The following USP40 variants were observed in gnomAD, a reference collection of about 807,000 sequenced individuals.
USP40 encodes the protein ubiquitin specific peptidase 40, also known as ubiquitin carboxyl-terminal hydrolase 40.
USP40 carries 143 observed loss-of-function variants against 166.2 expected under a neutral mutation model. The ratio of observed to expected loss-of-function variants is 0.86; its 90% CI spans 0.75 to 0.99. The LOEUF (loss-of-function observed/expected upper bound fraction) is 0.99. Among genes scored for constraint, USP40 ranks in the 50% least tolerant of loss-of-function variants. USP40 has a pLI of 0.00. For missense variants in USP40, 1,444 were observed against 1,479.7 expected (o/e 0.98, Z 0.40); for synonymous variants, 498 against 524.0 (o/e 0.95, Z 0.68).
intron 24 of USP40, 30 bp downstream of exon 24, chr2:233,496,728 A>C (rs2602386): frequency 0.33 from 508,796 of 1,561,648 alleles, 89,954 homozygotes; most frequent in African/African-American, 0.7. Flanking sequence ...TTATTACTTA[A>C]GAGTTGTCTA....
intron 14 of USP40, 34 bp downstream of exon 14, chr2:233,525,444 A>G (rs2067950475): frequency 6.5e-7 from 1 of 1,544,572 alleles, no homozygotes; most frequent in East Asian, 2.3e-5. Flanking sequence ...GTAGATATAT[A>G]GAGTGAGTTG....
At chr2:233,540,135 A>C (rs1028489607) in intron 10 of USP40, among the ~76,000 whole-genome samples, 24 of 151,628 alleles carry the variant, frequency 1.6e-4, no homozygotes, top group Middle Eastern at 3.2e-3. Context: ...AAAAAAAAAA[A>C]AAAACAAAAA....
intron 23 of USP40, among the ~76,000 whole-genome samples, chr2:233,497,123 A>G (rs2065793659): frequency 6.6e-6 from 1 of 152,186 alleles, no homozygotes; most frequent in Non-Finnish European, 1.5e-5. Flanking sequence ...TCCTAAAAAG[A>G]TGGGTTGGAT....
At chr2:233,544,289 G>A (rs957196786) in intron 8 of USP40, among the ~76,000 whole-genome samples, 2 of 152,176 alleles carry the variant, frequency 1.3e-5, no homozygotes, top group Admixed American at 6.5e-5. Context: ...AGGAAACTCT[G>A]TTTCCGTGGA....
chr2:233,544,592 A>G (rs1025222997), intron 8 of USP40, among the ~76,000 whole-genome samples: 1 of 152,168 alleles, frequency 6.6e-6, no homozygotes, highest in Non-Finnish European at 1.5e-5. Flanking sequence ...GGTTTGGTGG[A>G]AAGGGGCCCA....
chr2:233,531,993 CTAAG>C (rs1488942655), intron 11 of USP40, among the ~76,000 whole-genome samples: 3 of 152,182 alleles, frequency 2.0e-5, no homozygotes. Context: ...CTTTCCATTC[CTAAG>C]TAACACAAGG....
rs557793060 is a variant in USP40, at chr2:233,491,218, C to A, written c.2961G>T (p.Leu987Phe). Residue 987 changes from leucine to phenylalanine, a missense_variant, in exon 26 of 32, where the codon TTG (leucine) becomes TTT (phenylalanine). Coordinates refer to ENST00000678225, the MANE Select transcript of USP40 (RefSeq NM_001365479.2). ...CATCTTCTGAGATCTCTATGTCTCCCAAGTAGAGGAGAGAAACTTGCGCAG... is the reference window on the plus strand; with the variant it reads ...CATCTTCTGAGATCTCTATGTCTCCAAAGTAGAGGAGAGAAACTTGCGCAG... ...NEPAQVSLLY[L>F]GDIEISEDAT... 11 of 1,612,198 alleles carry A rather than the reference C, an allele frequency of 6.8e-6. No homozygotes were observed. In the East Asian group the frequency reaches 2.5e-4, roughly 36 times the overall value.
chr2:233,515,223 T>C (rs1395818564), intron 18 of USP40, among the ~76,000 whole-genome samples: 2 of 152,228 alleles, frequency 1.3e-5, no homozygotes, highest in African/African-American at 4.8e-5. Context: ...TAAGGATATA[T>C]GTTTTAACTC....
chr2:233,485,925 A>G lies in USP40; in HGVS notation c.3250T>C (p.Tyr1084His). The G allele has an allele frequency of 6.3e-7, 1 of 1,598,582 alleles. No individual in the cohort carries two copies. The highest frequency in any genetic ancestry group is 8.5e-7 in the Non-Finnish European group (1 of 1,173,504). Residue 1084 changes from tyrosine to histidine, a missense_variant, in exon 29 of 32, where the codon TAT becomes CAT. Coordinates refer to ENST00000678225, the MANE Select transcript of USP40 (RefSeq NM_001365479.2). ...CACACCAGGTCCAGGGCAGGGGCAT[A>G]GGTCCTCTCACCAGGGATGCGCACC... Reference protein sequence around the residue: ...TQVRIPGERTYAPALDLVWNA... With the variant: ...TQVRIPGERTHAPALDLVWNA...
In USP40 at chr2:233,477,427, T is replaced by C. The variant is rs575177616; in HGVS notation, c.3676A>G (p.Thr1226Ala). The change falls in exon 32 of 32, where the codon ACT becomes GCT. Residue 1226 changes from threonine (T) to alanine (A), a missense_variant. Transcript: ENST00000678225. ...ETPARPRAPE[T>A]SLSIHVGSFR Reference sequence around the variant, plus strand: ...CTCCCCACGTGGATGGAGAGAGAAGTTTCCGGGGCTCGGGGCCGGGCAGGC... The same window carrying C: ...CTCCCCACGTGGATGGAGAGAGAAGCTTCCGGGGCTCGGGGCCGGGCAGGC... 28 of 1,613,684 alleles carry C rather than the reference T, an allele frequency of 1.7e-5. No homozygotes were observed. The African/African-American group carries it at 3.6e-4, about 21-fold the overall frequency.
intron 2 of USP40, 28 bp from the exon 3 acceptor site, chr2:233,562,831 C>T: frequency 4.7e-6 from 7 of 1,474,566 alleles, no homozygotes; most frequent in Non-Finnish European, 5.4e-6. Flanking sequence ...ATCAGAGATG[C>T]AAATGACATC....
Position 233,523,462 on chromosome 2 carries a change from T to C in USP40, c.1909A>G (p.Ile637Val), listed in dbSNP as rs369260453. ...EVGGVHIQTG[I>V]DCEPLLLNVL... ...TTTAAAAGTAGAGGTTCGCAGTCAA[T>C]ACCAGTTTGAATGTGGACTCCACCA... The change falls in exon 16 of 32, where the codon ATT becomes GTT. Residue 637 changes from isoleucine to valine, a missense_variant. By Grantham distance (29) the Ile-to-Val change is conservative. Coordinates refer to ENST00000678225, the MANE Select transcript of USP40 (RefSeq NM_001365479.2). 1.9e-6 allele frequency: 3 copies of C among 1,613,786 alleles called. No homozygotes were observed. The highest frequency in any genetic ancestry group is 1.3e-5 in the African/African-American group (1 of 75,044).
At chr2:233,538,283 T>C (rs1172984569) in intron 10 of USP40, among the ~76,000 whole-genome samples, 1 of 152,030 alleles carries the variant, frequency 6.6e-6, no homozygotes, top group African/African-American at 2.4e-5. Flanking sequence ...AACACAGCCA[T>C]ATCAATTATA....
chr2:233,531,512 T>C (rs1301264812), intron 11 of USP40, among the ~76,000 whole-genome samples: 1 of 152,206 alleles, frequency 6.6e-6, no homozygotes, highest in Non-Finnish European at 1.5e-5. Context: ...AAAAGACTAA[T>C]ACTCCATTTG....
chr2:233,531,926 G>A (rs1220125785), intron 11 of USP40, among the ~76,000 whole-genome samples: 1 of 152,172 alleles, frequency 6.6e-6, no homozygotes, highest in African/African-American at 2.4e-5. Flanking sequence ...TGGAGACAGG[G>A]AACCTAAGGC....
At chr2:233,565,976 G>C (rs1426701911) in intron 1 of USP40, among the ~76,000 whole-genome samples, 1 of 152,108 alleles carries the variant, frequency 6.6e-6, no homozygotes, top group East Asian at 1.9e-4. Flanking sequence ...CTAATCCACT[G>C]CTGGGACGGC....
chr2:233,485,936 C>G lies in USP40; in HGVS notation c.3239G>C (p.Gly1080Ala). The G allele has an allele frequency of 6.3e-7, 1 of 1,596,282 alleles. No individual in the cohort carries two copies. Among genetic ancestry groups the G allele is most frequent in the Non-Finnish European group, 8.5e-7 (1 of 1,172,614 alleles). ...CAGGGCAGGGGCATAGGTCCTCTCA[C>G]CAGGGATGCGCACCTGTGTCCTCAG... ...VLLRTQVRIPGERTYAPALDL... is the reference protein window; with the variant it reads ...VLLRTQVRIPAERTYAPALDL... The change falls in exon 29 of 32, where the codon GGT becomes GCT. Residue 1080 changes from glycine to alanine, a missense_variant. By Grantham distance (60) the Gly-to-Ala change is moderately conservative. Transcript: ENST00000678225.
chr2:233,549,287 CA>C (rs1255720661), intron 7 of USP40, 58 bp from the exon 8 acceptor site: 3 of 1,084,642 alleles, frequency 2.8e-6, no homozygotes, highest in Admixed American at 6.4e-5. Flanking sequence ...TGATAATAAT[CA>C]AAAGAAAAAA....
In USP40 at chr2:233,493,753, C is replaced by G. The variant is rs1485589716; in HGVS notation, c.2791-202G>C. On this transcript the variant is annotated intron_variant, in intron 24 of 31. Transcript: ENST00000678225. This position sits in a 1 kb window ranked among gnomAD's most constrained non-coding sequence, Gnocchi z 4.7. ...TCATAAAAATCAGACTTTGGGGTGA[C>G]TGGACTAAATATCCCTTGCTTAAAG... Among the ~76,000 whole-genome samples the G allele has an allele frequency of 6.6e-6, 1 of 152,142 alleles. No homozygotes were observed. The highest frequency in any genetic ancestry group is 1.5e-5 in the Non-Finnish European group (1 of 68,024).
Sources: allele counts gnomAD v4.1 joint callset (sites outside exome capture counted in the v4.1 genomes callset), GRCh38; gene constraint gnomAD v4.1.1; non-coding constraint Gnocchi (gnomAD v3.1); transcripts MANE v1.5; gene names NCBI Gene and HGNC (gene_info 2026-07-23, HGNC 2026-07-21).